The following TMEM38A variants were observed in gnomAD, a reference collection of about 807,000 sequenced individuals.
The protein encoded by TMEM38A is transmembrane protein 38A, also known as trimeric intracellular cation channel type A.
TMEM38A carries 17 observed loss-of-function variants against 28.6 expected under a neutral mutation model. The ratio of observed to expected loss-of-function variants is 0.60; its 90% CI spans 0.41 to 0.89. The LOEUF (loss-of-function observed/expected upper bound fraction) is 0.89. Ranked by LOEUF, TMEM38A falls within the 40% of genes least tolerant of loss-of-function variation. The probability of loss-of-function intolerance (pLI) is 0.00; values close to 1 mark genes in which losing one functional copy is unlikely to be tolerated. For synonymous variants in TMEM38A, 169 were observed against 166.1 expected, an observed-to-expected ratio of 1.02 and a Z score of -0.14; for missense variants, 328 against 393.1, an observed-to-expected ratio of 0.83 and a Z score of 1.40.
chr19:16,681,746 C>T (rs370051233), intron 3 of TMEM38A, among the ~76,000 whole-genome samples: 1 of 152,170 alleles, frequency 6.6e-6, no homozygotes, highest in East Asian at 1.9e-4. Context: ...CCCTCCCCAG[C>T]TGTGACAACT....
At chr19:16,683,191 C>G (rs1459758761) in intron 4 of TMEM38A, among the ~76,000 whole-genome samples, 1 of 152,084 alleles carries the variant, frequency 6.6e-6, no homozygotes, top group Non-Finnish European at 1.5e-5. Context: ...TCAGGCTGGT[C>G]TGGAACTCCT....
chr19:16,667,072 C>T (rs1211203379), intron 1 of TMEM38A, among the ~76,000 whole-genome samples: 1 of 151,918 alleles, frequency 6.6e-6, no homozygotes, highest in East Asian at 1.9e-4. Context: ...AGTTCGAGAC[C>T]AGCCTGGCCA....
chr19:16,673,227 A>C (rs1599387590), intron 1 of TMEM38A, among the ~76,000 whole-genome samples: 1 of 151,994 alleles, frequency 6.6e-6, no homozygotes, highest in African/African-American at 2.4e-5. Flanking sequence ...GATTACAGGC[A>C]CCTGCCACCA....
At chr19:16,675,868 G>A (rs2086748677) in intron 1 of TMEM38A, among the ~76,000 whole-genome samples, 2 of 151,902 alleles carry the variant, frequency 1.3e-5, no homozygotes, top group Non-Finnish European at 2.9e-5. Context: ...GTTCGTGAGG[G>A]GTCTACCCTG....
rs1464491668 is a variant in TMEM38A at position 16,682,529 on chromosome 19, C to A, written c.554+21C>A. The stretch of plus-strand genomic sequence containing the variant: ...TCTTTGTGAGTATCCCACTCCACCT[C>A]TCCCTCCATGCCTCCTGTATGTCCG... On this transcript the variant is annotated intron_variant, in intron 4 of 5. Transcript: ENST00000187762. The A allele has an allele frequency of 3.7e-6, 6 of 1,608,758 alleles. No individual in the cohort carries two copies. In the African/African-American group the frequency reaches 6.7e-5, roughly 18 times the overall value.
At chr19:16,680,889 G>C (rs1046084413) in intron 3 of TMEM38A, 1 of 360,134 alleles carries the variant, frequency 2.8e-6, no homozygotes, top group Admixed American at 4.0e-5. Flanking sequence ...TTGTGGTGGG[G>C]GCTGCCTTGT....
At chr19:16,666,177 C>T (rs2086702277) in intron 1 of TMEM38A, among the ~76,000 whole-genome samples, 1 of 151,916 alleles carries the variant, frequency 6.6e-6, no homozygotes. Context: ...AACGGGGTTT[C>T]ACCACGTTGG....
At position 16,688,415 on chromosome 19, in the gene TMEM38A, C is replaced by T; in HGVS notation, c.*44C>T. On this transcript the variant is annotated 3_prime_UTR_variant, in exon 6 of 6. Transcript: ENST00000187762. ...CCGGGGAGAGGACCCGGACCCAGGACCCTCTGAGCTGGGAGGCTTCCTGCG... is the reference window on the plus strand; with the variant it reads ...CCGGGGAGAGGACCCGGACCCAGGATCCTCTGAGCTGGGAGGCTTCCTGCG... The T allele has an allele frequency of 7.0e-7, 1 of 1,437,122 alleles. No individual in the cohort carries two copies. 89.0% of individuals were successfully genotyped at this position (1,437,122 alleles called of 1,614,324 possible).
At chr19:16,685,353 T>G (rs189492772) in intron 4 of TMEM38A, among the ~76,000 whole-genome samples, 132 of 152,190 alleles carry the variant, frequency 8.7e-4, no homozygotes, top group Middle Eastern at 3.4e-3. Context: ...GCCACTGCAT[T>G]CCAGCCTGGG....
chr19:16,677,748 G>C (rs1028022319), intron 1 of TMEM38A, among the ~76,000 whole-genome samples: 18 of 152,078 alleles, frequency 1.2e-4, no homozygotes, highest in Admixed American at 2.0e-4. Context: ...TGCAGAGGTG[G>C]GGTCTCACTA....
In TMEM38A at chr19:16,675,434, A is replaced by G. The variant is rs954344345; in HGVS notation, c.125-4550A>G. ...GTTGTTTTAGAGATGAGATTTCACT[A>G]TGTTCCCAGGGCTGGTCTGGAACTC... On this transcript the variant is annotated intron_variant, in intron 1 of 5. Transcript: ENST00000187762. 4.6e-5 allele frequency among the ~76,000 whole-genome samples: 7 copies of G among 151,206 alleles called. 2 individuals carry two copies. Among genetic ancestry groups the G allele is most frequent in the South Asian group, 2.1e-4 (1 of 4,774 alleles).
Position 16,688,223 on chromosome 19 carries a change from C to A in TMEM38A, c.752C>A (p.Ser251Ter). The A allele has an allele frequency of 6.3e-7, 1 of 1,583,448 alleles. No homozygotes were observed. The highest frequency in any genetic ancestry group is 8.6e-7 in the Non-Finnish European group (1 of 1,164,052). Residue 251 changes from serine to a stop codon, truncating the protein, a stop_gained, in exon 6 of 6, where the codon TCG becomes TAG. Transcript: ENST00000187762. LOFTEE classifies it high-confidence loss of function. The stretch of plus-strand genomic sequence containing the variant: ...TACATCTGCCCCGTGCTGTTTGGTT[C>A]GGCCTGCGGGGGTGACCATCACCAC... ...EGYICPVLFG[S>*]ACGGDHHHDN...
rs200403481 is a variant in TMEM38A at position 16,688,309 on chromosome 19, G to A, written c.838G>A (p.Ala280Thr). 78 of 1,608,868 alleles carry A rather than the reference G, an allele frequency of 4.8e-5. No individual in the cohort carries two copies. The African/African-American group carries it at 5.1e-4, about 10-fold the overall frequency. ...AGGAGCTCAGCATTCGGCCATGCCCGCCAAGTCCAAGGAGGAGTTGAGCGA... is the reference window on the plus strand; with the variant it reads ...AGGAGCTCAGCATTCGGCCATGCCCACCAAGTCCAAGGAGGAGTTGAGCGA... ...GPGAQHSAMP[A>T]KSKEELSEGS... Residue 280 changes from alanine (A) to threonine (T), a missense_variant, in exon 6 of 6, where the codon GCC (alanine) becomes ACC (threonine). Coordinates refer to ENST00000187762, the MANE Select transcript of TMEM38A (RefSeq NM_024074.4).
At chr19:16,673,207 G>T (rs1315651841) in intron 1 of TMEM38A, among the ~76,000 whole-genome samples, 1 of 152,016 alleles carries the variant, frequency 6.6e-6, no homozygotes, top group African/African-American at 2.4e-5. Context: ...TCAGCCCCCT[G>T]AGTAGCTGGG....
At chr19:16,673,561 T>G (rs1330908857) in intron 1 of TMEM38A, among the ~76,000 whole-genome samples, 1 of 152,166 alleles carries the variant, frequency 6.6e-6, no homozygotes, top group Admixed American at 6.6e-5. Context: ...ATTGCTGGGG[T>G]CCAGGGGATG....
At chr19:16,679,295 G>GTGTA (rs149011300) in intron 1 of TMEM38A, among the ~76,000 whole-genome samples, 1 of 109,568 alleles carries the variant, frequency 9.1e-6, no homozygotes, top group Non-Finnish European at 1.7e-5. Context: ...GTGTGTGTGT[G>GTGTA]TGTATGTGTG....
intron 1 of TMEM38A, among the ~76,000 whole-genome samples, chr19:16,668,078 G>A (rs1461092883): frequency 6.6e-6 from 1 of 151,716 alleles, no homozygotes; most frequent in African/African-American, 2.4e-5. Flanking sequence ...GCGTGATGGC[G>A]GGCGCCTGTA....
chr19:16,683,185 G>T (rs370204820), intron 4 of TMEM38A, among the ~76,000 whole-genome samples: 9 of 152,008 alleles, frequency 5.9e-5, no homozygotes, highest in African/African-American at 2.2e-4. Context: ...TGTTGGTCAG[G>T]CTGGTCTGGA....
chr19:16,684,672 A>C (rs774686868), intron 4 of TMEM38A, among the ~76,000 whole-genome samples: 1 of 152,190 alleles, frequency 6.6e-6, no homozygotes, highest in African/African-American at 2.4e-5. Flanking sequence ...CTGATGTTCC[A>C]TGATTTGCTA....
Sources: allele counts gnomAD v4.1 joint callset (sites outside exome capture counted in the v4.1 genomes callset), GRCh38; gene constraint gnomAD v4.1.1; transcripts MANE v1.5; gene names NCBI Gene and HGNC (gene_info 2026-07-23, HGNC 2026-07-21).